The following DMD variants were observed in gnomAD, a reference collection of about 807,000 sequenced individuals.
The protein encoded by DMD is mutant dystrophin.
A neutral mutation model predicts 330.1 loss-of-function variants in DMD; 63 were observed. The observed-to-expected ratio is 0.19, with a 90% confidence interval of 0.16 to 0.24. The LOEUF (loss-of-function observed/expected upper bound fraction) is 0.24. DMD is among the 10% of genes least tolerant of loss of function. The pLI, the probability that DMD is intolerant of heterozygous loss-of-function variation, is 1.00. For missense variants in DMD, 3,344 were observed against 2,684.1 expected (o/e 1.25, Z -5.43); for synonymous variants, 1,223 against 959.8 (o/e 1.27, Z -5.07).
chrX:32,432,298 T>C (rs763548173), intron 29 of DMD, among the ~76,000 whole-genome samples: 1 of 111,641 alleles, frequency 9.0e-6, no homozygotes, highest in Non-Finnish European at 1.9e-5. Context: ...TTCTTTTCCA[T>C]CAAATGACTT....
intron 17 of DMD, among the ~76,000 whole-genome samples, chrX:32,543,524 T>A (rs889621243): frequency 2.7e-5 from 3 of 112,059 alleles, no homozygotes; most frequent in African/African-American, 6.5e-5. Flanking sequence ...GTTGGAATGT[T>A]GCAAAGTATC....
chrX:32,460,387 G>A (rs1465360270), intron 25 of DMD, among the ~76,000 whole-genome samples: 2 of 108,426 alleles, frequency 1.8e-5, no homozygotes, highest in South Asian at 4.0e-4. Context: ...CTGGACAATT[G>A]CAATCCCTAC....
chrX:32,314,701 A>G lies in DMD; in HGVS notation c.5923-4425T>C, dbSNP rs770617642. 2.7e-5 allele frequency among the ~76,000 whole-genome samples: 3 copies of G among 111,898 alleles called. No individual in the cohort carries two copies. In the South Asian group the frequency reaches 1.1e-3, roughly 42 times the overall value. On this transcript the variant is annotated intron_variant, in intron 41 of 78. Transcript: ENST00000357033. ...AACTTAAACAAATTTACAAGAAAAA[A>G]AAGACCCCATCAGAAAGTGGGCAAA...
chrX:31,978,734 C>T (rs1350926554), intron 44 of DMD, among the ~76,000 whole-genome samples: 1 of 111,607 alleles, frequency 9.0e-6, no homozygotes, highest in African/African-American at 3.3e-5. Flanking sequence ...TCTCCATCCT[C>T]CATCATGTGT....
chrX:32,726,311 A>G (rs1335727513), intron 7 of DMD, among the ~76,000 whole-genome samples: 1 of 111,337 alleles, frequency 9.0e-6, no homozygotes, highest in Non-Finnish European at 1.9e-5. Context: ...AAAATTTTGA[A>G]TCTGTACTAA....
intron 29 of DMD, among the ~76,000 whole-genome samples, chrX:32,429,209 C>CTTTTT (rs781555625): frequency 1.3e-5 from 1 of 75,952 alleles, no homozygotes; most frequent in African/African-American, 5.5e-5. Flanking sequence ...CTTTTCTTTC[C>CTTTTT]TTTTTTTTTT....
intron 2 of DMD, among the ~76,000 whole-genome samples, chrX:32,932,870 G>A (rs1216315614): frequency 8.9e-6 from 1 of 111,788 alleles, no homozygotes; most frequent in Non-Finnish European, 1.9e-5. Context: ...AGCTGGAGCT[G>A]GGGATTCACA....
chrX:32,648,697 T>C (rs1048247850), intron 9 of DMD, among the ~76,000 whole-genome samples: 1 of 112,164 alleles, frequency 8.9e-6, no homozygotes, highest in Non-Finnish European at 1.9e-5. Flanking sequence ...ATATTTTCCA[T>C]AGAGACCTTG....
At chrX:31,737,457 G>A (rs746926499) in intron 51 of DMD, among the ~76,000 whole-genome samples, 1 of 112,747 alleles carries the variant, frequency 8.9e-6, no homozygotes, top group Admixed American at 9.3e-5. Context: ...AAAGGCTAAG[G>A]GGAGGGTATA....
chrX:32,828,453 C>T (rs1175430635), intron 4 of DMD, among the ~76,000 whole-genome samples: 1 of 103,308 alleles, frequency 9.7e-6, no homozygotes, highest in Non-Finnish European at 2.0e-5. Context: ...TGTGTGTATA[C>T]ACACACACAC....
chrX:32,873,561 A>G (rs1010358400), intron 2 of DMD, among the ~76,000 whole-genome samples: 1 of 111,753 alleles, frequency 8.9e-6, no homozygotes, highest in Non-Finnish European at 1.9e-5. Flanking sequence ...ATTTCTGAGC[A>G]TTCATTTCTT....
intron 55 of DMD, among the ~76,000 whole-genome samples, chrX:31,544,194 T>C (rs2074010922): frequency 1.8e-5 from 2 of 110,108 alleles, no homozygotes; most frequent in Non-Finnish European, 3.8e-5. Context: ...CATGGTGGCA[T>C]GTGCCTGTAA....
At chrX:32,311,365 G>T (rs1238225597) in intron 41 of DMD, among the ~76,000 whole-genome samples, 1 of 110,775 alleles carries the variant, frequency 9.0e-6, no homozygotes, top group Non-Finnish European at 1.9e-5. Context: ...GGACTTTGGG[G>T]ATACTAGACT....
intron 55 of DMD, among the ~76,000 whole-genome samples, chrX:31,620,436 A>G (rs2078463481): frequency 1.1e-5 from 1 of 94,123 alleles, no homozygotes; most frequent in Non-Finnish European, 2.1e-5. Flanking sequence ...TTTTTTTGAG[A>G]TGGAGTCTCA....
At position 33,323,528 on chromosome X, in the gene DMD, C is replaced by T. The variant is rs151013890; in HGVS notation, c.7+15731G>A. Among the ~76,000 whole-genome samples, 513 of 111,464 alleles carry T rather than the reference C, an allele frequency of 4.6e-3. 3 individuals carry two copies. Among genetic ancestry groups the T allele is most frequent in the African/African-American group, 0.016 (497 of 30,769 alleles). ...GGAATAAATGGCAGTTGAATCAAAT[C>T]GTCCTCTTGTTTTCATTCAAGATGT... On this transcript the variant is annotated intron_variant, in intron 1 of 17. Coordinates refer to the DMD transcript ENST00000288447.
intron 7 of DMD, among the ~76,000 whole-genome samples, chrX:32,783,078 C>G (rs749039883): frequency 9.9e-6 from 1 of 101,403 alleles, no homozygotes; most frequent in African/African-American, 3.6e-5. Context: ...TATATATACA[C>G]ACACATATAC....
intron 44 of DMD, among the ~76,000 whole-genome samples, chrX:32,171,267 C>T (rs2096886634): frequency 9.0e-6 from 1 of 111,447 alleles, no homozygotes; most frequent in Non-Finnish European, 1.9e-5. Flanking sequence ...TAAAATTAAA[C>T]ATCTGTTAAT....
chrX:32,201,877 C>T (rs1260260232), intron 44 of DMD, among the ~76,000 whole-genome samples: 1 of 111,791 alleles, frequency 8.9e-6, no homozygotes, highest in Non-Finnish European at 1.9e-5. Flanking sequence ...TCAAAAGGTA[C>T]AAATCCCTGA....
chrX:32,866,134 G>A (rs181879435), intron 2 of DMD, among the ~76,000 whole-genome samples: 30 of 111,967 alleles, frequency 2.7e-4, no homozygotes, highest in Non-Finnish European at 4.9e-4. Context: ...GAGACAAGTG[G>A]AACCGAGTCA....
Sources: allele counts gnomAD v4.1 joint callset (sites outside exome capture counted in the v4.1 genomes callset), GRCh38; gene constraint gnomAD v4.1.1; transcripts MANE v1.5; gene names NCBI Gene and HGNC (gene_info 2026-07-23, HGNC 2026-07-21).